The following LLGL2 variants were observed in gnomAD, a reference collection of about 807,000 sequenced individuals.
LLGL2 encodes the protein LLGL2, scribble cell polarity complex component.
Under a neutral mutation model 123.2 loss-of-function variants are expected in LLGL2, and 81 were observed. The observed-to-expected ratio is 0.66, with a 90% confidence interval of 0.55 to 0.79. The LOEUF (loss-of-function observed/expected upper bound fraction) is 0.79. Among genes scored for constraint, LLGL2 ranks in the 30% least tolerant of loss-of-function variants. The pLI is 0.00. For missense variants in LLGL2, 1,273 were observed against 1,414.6 expected, an observed-to-expected ratio of 0.90 and a Z score of 1.61; for synonymous variants, 577 against 594.1, an observed-to-expected ratio of 0.97 and a Z score of 0.42.
intron 1 of LLGL2, among the ~76,000 whole-genome samples, chr17:75,533,368 G>A (rs1447197818): frequency 1.3e-4 from 17 of 127,352 alleles, no homozygotes; most frequent in Admixed American, 5.5e-4. Context: ...GCAGTGGCAC[G>A]ATCTCGGCTC....
intron 1 of LLGL2, among the ~76,000 whole-genome samples, chr17:75,531,574 G>A (rs572691933): frequency 2.1e-4 from 32 of 152,360 alleles, no homozygotes; most frequent in African/African-American, 7.5e-4. Context: ...CTCCTGGGGC[G>A]AGGCACGCCA....
intron 2 of LLGL2, among the ~76,000 whole-genome samples, chr17:75,554,006 TAA>T (rs2054791559): frequency 6.6e-6 from 1 of 152,180 alleles, no homozygotes; most frequent in South Asian, 2.1e-4. Flanking sequence ...TTAGATGTTT[TAA>T]AAGTCATTTT....
intron 2 of LLGL2, among the ~76,000 whole-genome samples, chr17:75,551,990 G>A (rs1032310391): frequency 6.6e-6 from 1 of 151,956 alleles, no homozygotes; most frequent in African/African-American, 2.4e-5. Flanking sequence ...TTAGCTGGGC[G>A]TGGTGGTGCA....
rs973668409 is a variant in LLGL2 at position 75,574,259 on chromosome 17, G to A, written c.2952G>A (p.Glu984=). 7.0e-7 allele frequency: 1 copy of A among 1,438,794 alleles called. No homozygotes were observed. The highest frequency in any genetic ancestry group is 1.4e-5 in the African/African-American group (1 of 69,700). The allele number at this position is 1,438,794 out of a possible 1,614,324, so 89.1% of individuals were successfully genotyped here. A position where few individuals can be genotyped will look rare whatever the true frequency, so the allele number is the denominator to read the frequency against. Residue 984 remains glutamate, a splice_region_variant and synonymous_variant, in exon 23 of 26, where the codon GAG becomes GAA. Coordinates refer to ENST00000392550, the MANE Select transcript of LLGL2 (RefSeq NM_001031803.2). ...LVMERALLSD[E]RVLKEIQSTL... ...TGGAGCGCGCTCTGCTCAGTGATGA[G>A]AGTGAGTTGGGTGGGAGAGGGTGGG...
intron 2 of LLGL2, among the ~76,000 whole-genome samples, chr17:75,553,256 C>G (rs1453052657): frequency 6.6e-6 from 1 of 152,222 alleles, no homozygotes; most frequent in Non-Finnish European, 1.5e-5. Flanking sequence ...CCCTGGCTAT[C>G]CCATTTAGGT....
chr17:75,531,514 A>G (rs7502311), intron 1 of LLGL2, among the ~76,000 whole-genome samples: 23,936 of 151,992 alleles, frequency 0.16, 2,288 homozygotes, highest in African/African-American at 0.26. Context: ...TCAATCCTCA[A>G]CTCTGAGAGG....
chr17:75,571,684 T>C lies in LLGL2; in HGVS notation c.2194T>C (p.Ser732Pro). The C allele has an allele frequency of 6.2e-7, 1 of 1,608,876 alleles. No homozygotes were observed. The highest frequency in any genetic ancestry group is 8.5e-7 in the Non-Finnish European group (1 of 1,179,816). Reference sequence around the variant, plus strand: ...CTCGGCAGGCTCCCGGCACTGCCCCTCGCTGTGGGCTGGCACCAATGGGGG... The same window carrying C: ...CTCGGCAGGCTCCCGGCACTGCCCCCCGCTGTGGGCTGGCACCAATGGGGG... ...YLKDSSRHCP[S>P]LWAGTNGGTI... The change falls in exon 18 of 26, where the codon TCG becomes CCG. Residue 732 changes from serine (S) to proline (P), a missense_variant. Coordinates refer to ENST00000392550, the MANE Select transcript of LLGL2 (RefSeq NM_001031803.2).
rs758407666 is a variant in LLGL2, at chr17:75,571,944, G to A, written c.2340G>A (p.Leu780=). Residue 780 remains leucine (L), a synonymous_variant, in exon 19 of 26, where the codon CTG becomes CTA. Transcript: ENST00000392550. The part of the protein sequence containing the change: ...LMHRAPVVGI[L]VLDGHSVPLP... The stretch of plus-strand genomic sequence containing the variant: ...ACCGGGCGCCGGTGGTGGGCATCCT[G>A]GTGCTCGACGGACACAGCGTACCCC... 1 of 1,612,674 alleles carries A rather than the reference G, an allele frequency of 6.2e-7. No homozygotes were observed. The highest frequency in any genetic ancestry group is 8.5e-7 in the Non-Finnish European group (1 of 1,180,008).
In LLGL2 at chr17:75,571,735, G is replaced by C; in HGVS notation, c.2245G>C (p.Val749Leu). Residue 749 changes from valine to leucine, a missense_variant, in exon 18 of 26, where the codon GTG becomes CTG. Coordinates refer to ENST00000392550, the MANE Select transcript of LLGL2 (RefSeq NM_001031803.2). ...GGTIYAFSLR[V>L]PPAERRMDEP... Reference sequence around the variant, plus strand: ...CACCATCTATGCCTTCTCCCTGCGTGTGCCTCCCGCCGAGCGGAGAATGGA... The same window carrying C: ...CACCATCTATGCCTTCTCCCTGCGTCTGCCTCCCGCCGAGCGGAGAATGGA... 1 of 1,609,374 alleles carries C rather than the reference G, an allele frequency of 6.2e-7. No individual in the cohort carries two copies. Among genetic ancestry groups the C allele is most frequent in the Non-Finnish European group, 8.5e-7 (1 of 1,179,994 alleles).
intron 25 of LLGL2, 101 bp downstream of exon 25, chr17:75,574,769 G>C: frequency 6.3e-7 from 1 of 1,591,238 alleles, no homozygotes; most frequent in Admixed American, 1.7e-5. Flanking sequence ...GCTGACACGT[G>C]CCCTGATGAC....
Position 75,563,189 on chromosome 17 carries a change from C to G in LLGL2, c.693+11C>G. 1 of 1,612,784 alleles carries G rather than the reference C, an allele frequency of 6.2e-7. No individual in the cohort carries two copies. Among genetic ancestry groups the G allele is most frequent in the Non-Finnish European group, 8.5e-7 (1 of 1,179,880 alleles). On this transcript the variant is annotated intron_variant, in intron 7 of 25. Coordinates refer to ENST00000392550, the MANE Select transcript of LLGL2 (RefSeq NM_001031803.2). ...TTCCTCAGCAGCCAGGTAGGCAGTG[C>G]CCAGGACATGGCAGGCGCCATGTTG...
chr17:75,570,088 G>C lies in LLGL2; in HGVS notation c.1707G>C (p.Gly569=). The C allele has an allele frequency of 6.2e-7, 1 of 1,610,964 alleles. No homozygotes were observed. The highest frequency in any genetic ancestry group is 1.3e-5 in the African/African-American group (1 of 75,026). The change falls in exon 15 of 26, where the codon GGG becomes GGC. Residue 569 remains glycine (G), a synonymous_variant. Coordinates refer to ENST00000392550, the MANE Select transcript of LLGL2 (RefSeq NM_001031803.2). ...ACGAGCGCCTGGCAGCCCGCTCAGG[G>C]CCCGTGCGCTTTGAGCCTGGCTTTC... The part of the protein sequence containing the change: ...KGHERLAARS[G]PVRFEPGFQP...
upstream of LLGL2, chr17:75,525,653 G>T (rs1179538409): frequency 4.0e-5 from 6 of 150,338 alleles, no homozygotes; most frequent in African/African-American, 9.7e-5. This position sits in a 1 kb window ranked among gnomAD's most constrained non-coding sequence, Gnocchi z 4.8. Context: ...GCCCCGGCAG[G>T]CTCGCCCTTT....
intron 2 of LLGL2, among the ~76,000 whole-genome samples, chr17:75,550,007 A>G (rs1224037167): frequency 2.0e-5 from 3 of 152,194 alleles, no homozygotes; most frequent in African/African-American, 7.2e-5. Context: ...CTCCCTTGGC[A>G]GAGGTCACCT....
intron 2 of LLGL2, among the ~76,000 whole-genome samples, chr17:75,550,046 G>A (rs545877572): frequency 1.6e-4 from 25 of 152,366 alleles, no homozygotes; most frequent in East Asian, 3.9e-4. Flanking sequence ...GGGCGGGGCC[G>A]GGTAGGCTGG....
chr17:75,529,686 C>T (rs2053705120), intron 1 of LLGL2, among the ~76,000 whole-genome samples: 2 of 151,586 alleles, frequency 1.3e-5, no homozygotes, highest in Admixed American at 1.3e-4. Context: ...GATGGTGAAA[C>T]CCCATCTCTA....
intron 1 of LLGL2, among the ~76,000 whole-genome samples, chr17:75,530,342 A>AT (rs1370092033): frequency 6.6e-6 from 1 of 152,092 alleles, no homozygotes; most frequent in African/African-American, 2.4e-5. Flanking sequence ...CTCTACAAAA[A>AT]TTTTTTTAAA....
At chr17:75,554,365 G>C (rs1023559557) in intron 2 of LLGL2, among the ~76,000 whole-genome samples, 1 of 151,088 alleles carries the variant, frequency 6.6e-6, no homozygotes, top group Non-Finnish European at 1.5e-5. Flanking sequence ...TAATCCCAGC[G>C]CTTTGGGAGG....
chr17:75,566,672 C>T (rs2055456339), intron 10 of LLGL2, among the ~76,000 whole-genome samples: 1 of 152,126 alleles, frequency 6.6e-6, no homozygotes, highest in Non-Finnish European at 1.5e-5. Context: ...TTTCTTGGCC[C>T]CTTGTCTAGG....
Sources: gnomAD v4.1 joint callset for allele counts (sites outside exome capture counted in the v4.1 genomes callset) on GRCh38, gnomAD v4.1.1 for gene constraint, Gnocchi (gnomAD v3.1) non-coding constraint, MANE v1.5 for transcripts, NCBI Gene and HGNC (gene_info 2026-07-23, HGNC 2026-07-21) for gene names.